CATSPERB: variants seen among roughly 807,000 people sequenced by gnomAD.
CATSPERB encodes catsper channel auxiliary subunit beta.
CATSPERB carries 93 observed loss-of-function variants against 128.3 expected under a neutral mutation model. The ratio of observed to expected loss-of-function variants is 0.72; its 90% CI spans 0.61 to 0.86. The LOEUF is 0.86. Among genes scored for constraint, CATSPERB ranks in the 40% least tolerant of loss-of-function variants. CATSPERB has a pLI of 0.00. For synonymous variants in CATSPERB, 381 were observed against 448.8 expected (o/e 0.85, Z 1.91); for missense variants, 1,153 against 1,329.5 (o/e 0.87, Z 2.06).
At chr14:91,636,242 A>G (rs1209121152) in intron 17 of CATSPERB, 183 bp downstream of exon 17, 1 of 545,148 alleles carries the variant, frequency 1.8e-6, no homozygotes, top group African/African-American at 1.9e-5. Context: ...GTGTGCCTGC[A>G]GTCCCAGCTA....
At chr14:91,615,051 A>T (rs1178113183) in intron 20 of CATSPERB, among the ~76,000 whole-genome samples, 1 of 152,148 alleles carries the variant, frequency 6.6e-6, no homozygotes, top group Non-Finnish European at 1.5e-5. Context: ...AATAGAACTA[A>T]CAAAAACCCA....
At chr14:91,669,566 T>C (rs989503469) in intron 14 of CATSPERB, among the ~76,000 whole-genome samples, 1 of 152,258 alleles carries the variant, frequency 6.6e-6, no homozygotes, top group African/African-American at 2.4e-5. Context: ...GGTATAGTAA[T>C]TGGCAACATT....
intron 15 of CATSPERB, among the ~76,000 whole-genome samples, chr14:91,644,142 G>A (rs1894547957): frequency 7.5e-6 from 1 of 133,420 alleles, no homozygotes; most frequent in Non-Finnish European, 1.6e-5. Flanking sequence ...ACAGCACACT[G>A]ATGGGTCTTG....
intron 5 of CATSPERB, among the ~76,000 whole-genome samples, chr14:91,716,733 A>G (rs1006775318): frequency 1.3e-5 from 2 of 151,812 alleles, no homozygotes; most frequent in Non-Finnish European, 2.9e-5. Context: ...ACACACACAC[A>G]CACACACACA....
chr14:91,591,980 C>T lies in CATSPERB; in HGVS notation c.2732G>A (p.Cys911Tyr). 1 of 1,613,622 alleles carries T rather than the reference C, an allele frequency of 6.2e-7. No homozygotes were observed. Among genetic ancestry groups the T allele is most frequent in the South Asian group, 1.1e-5 (1 of 91,040 alleles). Residue 911 changes from cysteine to tyrosine, a missense_variant, in exon 23 of 27, where the codon TGT (cysteine) becomes TAT (tyrosine). Cys to Tyr is a radical substitution (Grantham distance 194). Coordinates refer to ENST00000256343, the MANE Select transcript of CATSPERB (RefSeq NM_024764.4). ...CTCCTCCCGAGTGGAAACATTAGCA[C>T]ACTGTTTGAATTTACCGGTTTTCTG... ...MSKKTGKFKQ[C>Y]ANVSTREECN...
At chr14:91,654,732 T>C (rs578137614) in intron 15 of CATSPERB, among the ~76,000 whole-genome samples, 2 of 152,284 alleles carry the variant, frequency 1.3e-5, no homozygotes, top group African/African-American at 4.8e-5. Context: ...CTGCTGATTA[T>C]AGAGCTCTTG....
intron 7 of CATSPERB, among the ~76,000 whole-genome samples, chr14:91,700,661 T>A (rs2139851677): frequency 6.6e-6 from 1 of 152,234 alleles, no homozygotes; most frequent in East Asian, 1.9e-4. Flanking sequence ...AAGAATGAAA[T>A]CATGTCCTTT....
chr14:91,699,212 A>G (rs1895608007), intron 7 of CATSPERB, among the ~76,000 whole-genome samples: 2 of 152,188 alleles, frequency 1.3e-5, no homozygotes, highest in African/African-American at 4.8e-5. Flanking sequence ...TTCCTTGGGT[A>G]GATACCCAGC....
intron 11 of CATSPERB, among the ~76,000 whole-genome samples, chr14:91,683,209 C>T (rs1895314912): frequency 6.6e-6 from 1 of 152,180 alleles, no homozygotes; most frequent in South Asian, 2.1e-4. Flanking sequence ...CCATAATGCT[C>T]CCGCAAATTC....
At chr14:91,649,114 A>G (rs1894659137) in intron 15 of CATSPERB, among the ~76,000 whole-genome samples, 1 of 151,954 alleles carries the variant, frequency 6.6e-6, no homozygotes. Flanking sequence ...ACCCTTAGTG[A>G]TTGGAACAGT....
In CATSPERB at chr14:91,636,586, AC is replaced by A. The variant is rs1340664187; in HGVS notation, c.1588-8del. 2 of 1,603,104 alleles carry A rather than the reference AC, an allele frequency of 1.2e-6. No individual in the cohort carries two copies. Among genetic ancestry groups the A allele is most frequent in the African/African-American group, 2.7e-5 (2 of 74,180 alleles). On this transcript the variant is annotated splice_region_variant and splice_polypyrimidine_tract_variant and intron_variant, in intron 16 of 26. Coordinates refer to ENST00000256343, the MANE Select transcript of CATSPERB (RefSeq NM_024764.4). ...CAAAGCCCATATCTGGAGGCTGGAAACAGAGAAAAGAAAATATTATATTTAA... is the reference window on the plus strand; with the variant it reads ...CAAAGCCCATATCTGGAGGCTGGAAAAGAGAAAAGAAAATATTATATTTAA...
chr14:91,684,383 C>A (rs1375290567), intron 10 of CATSPERB, among the ~76,000 whole-genome samples: 1 of 152,118 alleles, frequency 6.6e-6, no homozygotes, highest in Non-Finnish European at 1.5e-5. Context: ...GAGAGACAAG[C>A]TTCAATATAT....
intron 20 of CATSPERB, among the ~76,000 whole-genome samples, chr14:91,614,370 T>G (rs990013004): frequency 6.6e-6 from 1 of 152,162 alleles, no homozygotes; most frequent in African/African-American, 2.4e-5. Context: ...TTAGTCATCC[T>G]TAAAAGATAT....
At position 91,613,317 on chromosome 14, in the gene CATSPERB, T is replaced by C. The variant is rs183929280; in HGVS notation, c.2401-2640A>G. 2.5e-3 allele frequency among the ~76,000 whole-genome samples: 387 copies of C among 152,298 alleles called. 3 individuals carry two copies. Among genetic ancestry groups the C allele is most frequent in the African/African-American group, 8.9e-3 (371 of 41,566 alleles). ...TGTATGGAAGTTCTACTTTTGTCTA[T>C]ATCTTAAAGTTTTCATGATAAAAAA... On this transcript the variant is annotated intron_variant, in intron 20 of 26. Coordinates refer to ENST00000256343, the MANE Select transcript of CATSPERB (RefSeq NM_024764.4).
In CATSPERB at chr14:91,723,152, G is replaced by A; in HGVS notation, c.206C>T (p.Ala69Val). The A allele has an allele frequency of 2.0e-6, 3 of 1,504,320 alleles. No individual in the cohort carries two copies. The highest frequency in any genetic ancestry group is 1.8e-6 in the Non-Finnish European group (2 of 1,126,608). 93.2% of individuals were successfully genotyped at this position (1,504,320 alleles called of 1,614,324 possible). A position where few individuals can be genotyped will look rare whatever the true frequency, so the allele number is the denominator to read the frequency against. ...QCFFQTENEI[A>V]SKAMLSVFTS... is the part of the protein sequence containing the mutation. ...GAACACACTTAGCATTGCTTTTGAT[G>A]CAATTTCATTTTCAGTTTGGAAGAA... The change falls in exon 4 of 27, where the codon GCA (alanine) becomes GTA (valine). Residue 69 changes from alanine to valine, a missense_variant. Coordinates refer to ENST00000256343, the MANE Select transcript of CATSPERB (RefSeq NM_024764.4).
intron 11 of CATSPERB, among the ~76,000 whole-genome samples, chr14:91,674,693 GTT>G (rs1157019629): frequency 1.6e-3 from 238 of 152,196 alleles, no homozygotes; most frequent in African/African-American, 3.7e-3. Flanking sequence ...ATCTAATTAT[GTT>G]CTTGCTTAGA....
chr14:91,594,553 A>T (rs1893471373), intron 22 of CATSPERB, among the ~76,000 whole-genome samples: 1 of 151,962 alleles, frequency 6.6e-6, no homozygotes, highest in Non-Finnish European at 1.5e-5. Flanking sequence ...AGCCATGTGG[A>T]ACTGTAAGTC....
intron 17 of CATSPERB, among the ~76,000 whole-genome samples, chr14:91,628,630 T>C (rs1479173060): frequency 1.3e-5 from 2 of 152,216 alleles, no homozygotes; most frequent in Non-Finnish European, 2.9e-5. Context: ...GCACTGTCTC[T>C]TTCTCCTGCC....
intron 11 of CATSPERB, among the ~76,000 whole-genome samples, chr14:91,682,210 A>G (rs1380186498): frequency 6.6e-6 from 1 of 152,108 alleles, no homozygotes. Context: ...TTTCATGGCC[A>G]TAACTCATCT....
Sources: allele counts gnomAD v4.1 joint callset (sites outside exome capture counted in the v4.1 genomes callset), GRCh38; gene constraint gnomAD v4.1.1; transcripts MANE v1.5; gene names NCBI Gene and HGNC (gene_info 2026-07-23, HGNC 2026-07-21).